TXK: variants seen among roughly 807,000 people sequenced by gnomAD.
TXK encodes the protein TXK tyrosine kinase, also known as tyrosine-protein kinase TXK.
In TXK, 60 loss-of-function variants were observed where a neutral mutation model predicts 81.0. The ratio of observed to expected loss-of-function variants is 0.74; its 90% CI spans 0.60 to 0.92. TXK has a LOEUF of 0.92. Among genes scored for constraint, TXK ranks in the 40% least tolerant of loss-of-function variants. TXK has a pLI of 0.00. For synonymous variants in TXK, 203 were observed against 210.7 expected, an observed-to-expected ratio of 0.96 and a Z score of 0.32; for missense variants, 581 against 638.3, an observed-to-expected ratio of 0.91 and a Z score of 0.97.
intron 6 of TXK, among the ~76,000 whole-genome samples, chr4:48,104,666 T>C (rs1200917815): frequency 7.9e-6 from 1 of 126,154 alleles, no homozygotes; most frequent in Non-Finnish European, 1.6e-5. Context: ...CTGCCTATGT[T>C]GGAGCTGAAA....
intron 1 of TXK, among the ~76,000 whole-genome samples, chr4:48,129,952 G>C (rs1719204564): frequency 1.3e-5 from 2 of 152,236 alleles, no homozygotes; most frequent in Non-Finnish European, 2.9e-5. Context: ...GCCAGAAGCC[G>C]TACTGCTCAC....
chr4:48,114,248 T>C (rs778164313), intron 2 of TXK, 100 bp downstream of exon 2: 10 of 1,222,526 alleles, frequency 8.2e-6, no homozygotes, highest in Non-Finnish European at 1.2e-5. Flanking sequence ...GGTTCCCAGG[T>C]AGAGAGAACA....
At position 48,071,544 on chromosome 4, in the gene TXK, A is replaced by C. The variant is rs1329501989; in HGVS notation, c.1488T>G (p.Tyr496Ter). The change falls in exon 14 of 15, where the codon TAT (tyrosine) becomes TAG (stop). Residue 496 changes from tyrosine (Y) to a stop codon, truncating the protein, a stop_gained. Transcript: ENST00000264316. LOFTEE classifies it high-confidence loss of function. Reference protein sequence around the residue: ...YRPHLAPMSIYEVMYSCWHEK... With the variant: ...YRPHLAPMSI ...CATGCCAGCAGCTGTACATGACTTC[A>C]TATATGGACATTGGTGCCAGGTGAG... 1 of 1,614,154 alleles carries C rather than the reference A, an allele frequency of 6.2e-7. No individual in the cohort carries two copies. Among genetic ancestry groups the C allele is most frequent in the Non-Finnish European group, 8.5e-7 (1 of 1,180,002 alleles).
chr4:48,124,104 G>T (rs578056579), intron 1 of TXK, among the ~76,000 whole-genome samples: 5 of 152,250 alleles, frequency 3.3e-5, no homozygotes, highest in African/African-American at 1.2e-4. Context: ...CGTCATTTAA[G>T]TTTCTCTGTG....
At chr4:48,097,136 A>G (rs542037430) in intron 6 of TXK, among the ~76,000 whole-genome samples, 83 of 152,258 alleles carry the variant, frequency 5.5e-4, no homozygotes, top group African/African-American at 1.9e-3. Flanking sequence ...TAGTAAATTC[A>G]AAATCTGGTT....
At chr4:48,111,106 A>G (rs1718620041) in intron 4 of TXK, among the ~76,000 whole-genome samples, 1 of 152,240 alleles carries the variant, frequency 6.6e-6, no homozygotes, top group Admixed American at 6.5e-5. Context: ...GGATATGTAC[A>G]TCTTTCAGGA....
chr4:48,076,955 A>G (rs1717095569), intron 11 of TXK, among the ~76,000 whole-genome samples: 1 of 152,226 alleles, frequency 6.6e-6, no homozygotes, highest in Non-Finnish European at 1.5e-5. Context: ...TCAATCTGAA[A>G]GATGATACAA....
intron 1 of TXK, among the ~76,000 whole-genome samples, chr4:48,119,840 C>A (rs1718899807): frequency 6.6e-6 from 1 of 152,082 alleles, no homozygotes; most frequent in Non-Finnish European, 1.5e-5. Flanking sequence ...ACATTTTAAC[C>A]AATTTATTCC....
chr4:48,091,212 A>G (rs1717755702), intron 8 of TXK, among the ~76,000 whole-genome samples: 1 of 152,212 alleles, frequency 6.6e-6, no homozygotes, highest in African/African-American at 2.4e-5. Flanking sequence ...TTTGGGAGGA[A>G]ATGACTGAGA....
intron 9 of TXK, 107 bp from the exon 10 acceptor site, chr4:48,086,744 A>T: frequency 3.8e-6 from 4 of 1,047,898 alleles, no homozygotes; most frequent in East Asian, 2.6e-5. Flanking sequence ...AGGTTAAAAA[A>T]TGTATAAAGT....
chr4:48,072,697 C>T (rs1716912640), intron 13 of TXK, among the ~76,000 whole-genome samples: 1 of 152,302 alleles, frequency 6.6e-6, no homozygotes, highest in African/African-American at 2.4e-5. Flanking sequence ...GCCTAAGGAG[C>T]TCACTGTTCA....
chr4:48,066,906 A>T lies in TXK; in HGVS notation c.*731T>A, dbSNP rs1157550067. 2 of 152,320 alleles carry T rather than the reference A, an allele frequency of 1.3e-5. No individual in the cohort carries two copies. Among genetic ancestry groups the T allele is most frequent in the East Asian group, 3.9e-4 (2 of 5,188 alleles). 9.4% of individuals were successfully genotyped at this position (152,320 alleles called of 1,614,324 possible). A position where few individuals can be genotyped will look rare whatever the true frequency, so the allele number is the denominator to read the frequency against. The stretch of plus-strand genomic sequence containing the variant: ...TCTGAAACTGTCCAATCTCACATGT[A>T]AAAAGTGTAAAATCACAGAACTAAA... On this transcript the variant is annotated 3_prime_UTR_variant, in exon 15 of 15. Transcript: ENST00000264316.
At chr4:48,119,708 G>T (rs1213163274) in intron 1 of TXK, among the ~76,000 whole-genome samples, 1 of 152,192 alleles carries the variant, frequency 6.6e-6, no homozygotes, top group Non-Finnish European at 1.5e-5. Context: ...AGCTGCTTCT[G>T]ACTGCCATTT....
Position 48,076,473 on chromosome 4 carries a change from AAAG to A in TXK, c.1174-10_1174-8del, listed in dbSNP as rs1196951116. 6.2e-7 allele frequency: 1 copy of A among 1,604,808 alleles called. No individual in the cohort carries two copies. The highest frequency in any genetic ancestry group is 1.3e-5 in the African/African-American group (1 of 74,264). On this transcript the variant is annotated splice_region_variant and splice_polypyrimidine_tract_variant and intron_variant, in intron 11 of 14. Coordinates refer to ENST00000264316, the MANE Select transcript of TXK (RefSeq NM_003328.3). ...CCAAACAATTCCTTGCCGCCTATGG[AAAG>A]AAGAAAAGAATCCAAGTTTGAATAC...
intron 13 of TXK, among the ~76,000 whole-genome samples, 190 bp from the exon 14 acceptor site, chr4:48,071,864 G>A (rs1409017334): frequency 2.0e-5 from 3 of 151,954 alleles, no homozygotes; most frequent in African/African-American, 7.3e-5. Context: ...CCTGTAACCT[G>A]AAAATAATCT....
chr4:48,122,570 CT>C (rs1479389008), intron 1 of TXK, among the ~76,000 whole-genome samples: 1 of 152,088 alleles, frequency 6.6e-6, no homozygotes, highest in Non-Finnish European at 1.5e-5. Context: ...ATTTATTTAC[CT>C]TTTTTTCTTT....
chr4:48,128,420 T>A (rs988782214), intron 1 of TXK, among the ~76,000 whole-genome samples: 8 of 152,020 alleles, frequency 5.3e-5, no homozygotes, highest in Non-Finnish European at 1.0e-4. Context: ...TAAAAACTTG[T>A]GGCTTTGGAA....
At chr4:48,119,504 G>A (rs1718893616) in intron 1 of TXK, among the ~76,000 whole-genome samples, 1 of 152,066 alleles carries the variant, frequency 6.6e-6, no homozygotes, top group South Asian at 2.1e-4. Context: ...ACCCACTGCT[G>A]TTTCATTGCT....
intron 14 of TXK, 38 bp downstream of exon 14, chr4:48,071,479 G>A: frequency 6.3e-7 from 1 of 1,583,858 alleles, no homozygotes; most frequent in Non-Finnish European, 8.6e-7. Flanking sequence ...TCAGATGCTG[G>A]GACTGCCAAC....
Sources: allele counts gnomAD v4.1 joint callset (sites outside exome capture counted in the v4.1 genomes callset), GRCh38; gene constraint gnomAD v4.1.1; transcripts MANE v1.5; gene names NCBI Gene and HGNC (gene_info 2026-07-23, HGNC 2026-07-21).